ANKRD11: variants seen among roughly 807,000 people sequenced by gnomAD.
ANKRD11 encodes ankyrin repeat domain-containing protein 11.
In ANKRD11, 17 loss-of-function variants were observed where a neutral mutation model predicts 195.7. The observed-to-expected ratio is 0.09, with a 90% CI of 0.06 to 0.13. ANKRD11 has a LOEUF of 0.13. Among genes scored for constraint, ANKRD11 ranks in the 10% least tolerant of loss-of-function variants. The pLI, the probability that ANKRD11 is intolerant of heterozygous loss-of-function variation, is 1.00. For synonymous variants in ANKRD11, 1,953 were observed against 1,528.1 expected, an observed-to-expected ratio of 1.28 and a Z score of -6.49; for missense variants, 3,735 against 3,566.1, an observed-to-expected ratio of 1.05 and a Z score of -1.21.
At chr16:89,293,500 T>C (rs1270584517) in intron 4 of ANKRD11, among the ~76,000 whole-genome samples, 7 of 132,028 alleles carry the variant, frequency 5.3e-5, no homozygotes, top group Non-Finnish European at 1.1e-4. Context: ...TGGGGCAGAG[T>C]TGGGGCTGCA....
At chr16:89,269,480 A>C (rs1362178722) in intron 12 of ANKRD11, among the ~76,000 whole-genome samples, 1 of 152,220 alleles carries the variant, frequency 6.6e-6, no homozygotes, top group East Asian at 1.9e-4. Flanking sequence ...TCGGCAGCTC[A>C]GACATCACCA....
chr16:89,316,095 G>C (rs1312338984), intron 3 of ANKRD11, among the ~76,000 whole-genome samples: 1 of 152,092 alleles, frequency 6.6e-6, no homozygotes, highest in Non-Finnish European at 1.5e-5. Context: ...GGAGGCACGA[G>C]GATCAAAGGA....
chr16:89,381,036 A>G (rs375693212), intron 2 of ANKRD11, among the ~76,000 whole-genome samples: 179 of 152,320 alleles, frequency 1.2e-3, no homozygotes, highest in African/African-American at 4.1e-3. Flanking sequence ...AGGGATGAGA[A>G]GGGCGGCTGG....
chr16:89,415,647 G>A (rs962236000), intron 2 of ANKRD11, among the ~76,000 whole-genome samples: 2 of 151,172 alleles, frequency 1.3e-5, no homozygotes, highest in Non-Finnish European at 2.9e-5. Flanking sequence ...GGCCAACACA[G>A]TGAAACCCTA....
intron 2 of ANKRD11, among the ~76,000 whole-genome samples, chr16:89,334,144 T>TTA (rs1488481148): frequency 2.4e-5 from 1 of 41,410 alleles, no homozygotes; most frequent in African/African-American, 9.6e-5. Flanking sequence ...CCCTGTGTTT[T>TTA]AAAAAAAAAA....
At position 89,284,751 on chromosome 16, in the gene ANKRD11, C is replaced by T; in HGVS notation, c.1791G>A (p.Glu597=). ...ESLKPVRKRQ[E]HRKRASLSEK... is the part of the protein sequence containing the mutation. ...CCGACAGGGAGGCTCGCTTCCTGTG[C>T]TCCTGCCTCTTCCTCACTGGCTTCA... The change falls in exon 9 of 13, where the codon GAG becomes GAA. Residue 597 remains glutamate (E), a synonymous_variant. Coordinates refer to ENST00000301030, the MANE Select transcript of ANKRD11 (RefSeq NM_013275.6). The T allele has an allele frequency of 6.2e-7, 1 of 1,613,564 alleles. No homozygotes were observed. Among genetic ancestry groups the T allele is most frequent in the East Asian group, 2.2e-5 (1 of 44,880 alleles).
intron 2 of ANKRD11, among the ~76,000 whole-genome samples, chr16:89,385,048 G>A (rs1429840593): frequency 2.6e-5 from 4 of 151,632 alleles, no homozygotes; most frequent in Non-Finnish European, 5.9e-5. Flanking sequence ...ACCATGCCAG[G>A]CTAATTTTTG....
chr16:89,286,405 G>A lies in ANKRD11; in HGVS notation c.745-219C>T, dbSNP rs530588542. 1,005 of 694,880 alleles carry A rather than the reference G, an allele frequency of 1.4e-3. 4 individuals are homozygous for A. Among genetic ancestry groups the A allele is most frequent in the African/African-American group, 4.6e-3 (258 of 55,876 alleles). 43.0% of individuals were successfully genotyped at this position (694,880 alleles called of 1,614,324 possible). On this transcript the variant is annotated intron_variant, in intron 7 of 12. Coordinates refer to ENST00000301030, the MANE Select transcript of ANKRD11 (RefSeq NM_013275.6). Reference sequence around the variant, plus strand: ...CTCCTCTGTGGGAAGGGCTGCAGCCGCGGGGGCTCCCGCACCCCTCCTGTG... The same window carrying A: ...CTCCTCTGTGGGAAGGGCTGCAGCCACGGGGGCTCCCGCACCCCTCCTGTG...
chr16:89,304,998 C>A (rs574911431), intron 4 of ANKRD11: 12 of 701,714 alleles, frequency 1.7e-5, no homozygotes, highest in African/African-American at 1.4e-4. Flanking sequence ...GCTCTCCAAT[C>A]GGCCCCATGG....
At chr16:89,437,918 G>C (rs1484664139) in intron 1 of ANKRD11, among the ~76,000 whole-genome samples, 1 of 152,202 alleles carries the variant, frequency 6.6e-6, no homozygotes, top group African/African-American at 2.4e-5. Context: ...GAGTTGGGCA[G>C]CCATGGTTAA....
intron 4 of ANKRD11, among the ~76,000 whole-genome samples, chr16:89,295,396 C>T (rs1203833150): frequency 6.6e-6 from 1 of 152,114 alleles, no homozygotes; most frequent in Non-Finnish European, 1.5e-5. Context: ...AAACAAGGCC[C>T]GTAGGGCCTT....
chr16:89,334,171 A>AAAAAAAAAC (rs2038223120), intron 2 of ANKRD11, among the ~76,000 whole-genome samples: 1 of 144,610 alleles, frequency 6.9e-6, no homozygotes, highest in African/African-American at 2.6e-5. Context: ...AAAAAAAAAA[A>AAAAAAAAAC]AACAGAGAGA....
intron 1 of ANKRD11, among the ~76,000 whole-genome samples, chr16:89,427,339 C>G (rs2042757684): frequency 6.6e-6 from 1 of 152,206 alleles, no homozygotes; most frequent in Non-Finnish European, 1.5e-5. Context: ...CAACACCCCC[C>G]AGGGTGACCT....
At position 89,384,879 on chromosome 16, in the gene ANKRD11, C is replaced by CTTTTTTTTTTTTTTTTTTTTTT. The variant is rs869271846; in HGVS notation, c.-60+33383_-60+33404dup. 1.3e-3 allele frequency among the ~76,000 whole-genome samples: 63 copies of CTTTTTTTTTTTTTTTTTTTTTT among 49,938 alleles called. 5 individuals carry two copies. The highest frequency in any genetic ancestry group is 2.0e-3 in the East Asian group (3 of 1,482). 32.8% of individuals were successfully genotyped at this position (49,938 alleles called of 152,430 possible). On this transcript the variant is annotated intron_variant, in intron 2 of 12. Coordinates refer to ENST00000301030, the MANE Select transcript of ANKRD11 (RefSeq NM_013275.6). Reference sequence around the variant, plus strand: ...GGAGCACACAATGAGAAATAGTTTTCTTTTTTTTTTTTTTTTTTTTTTTTT... The same window carrying CTTTTTTTTTTTTTTTTTTTTTT: ...GGAGCACACAATGAGAAATAGTTTTCTTTTTTTTTTTTTTTTTTTTTTTTTTTTTTTTTTTTTTTTTTTTTTT...
At position 89,288,631 on chromosome 16, in the gene ANKRD11, T is replaced by C. The variant is rs1239808697; in HGVS notation, c.641A>G (p.Tyr214Cys). 1 of 1,614,002 alleles carries C rather than the reference T, an allele frequency of 6.2e-7. No homozygotes were observed. The highest frequency in any genetic ancestry group is 1.1e-5 in the South Asian group (1 of 91,084). ...AGCCAGCAGCTGCTTCGCGACGTCG[T>C]AGTAGCCCCGGTTACAGGCCTCGTG... ...ALHEACNRGY[Y>C]DVAKQLLAAG... Residue 214 changes from tyrosine (Y) to cysteine (C), a missense_variant, in exon 7 of 13, where the codon TAC (tyrosine) becomes TGC (cysteine). By Grantham distance (194) the Tyr-to-Cys change is radical (BLOSUM62 -2). Coordinates refer to ENST00000301030, the MANE Select transcript of ANKRD11 (RefSeq NM_013275.6).
At chr16:89,396,312 C>T (rs558008860) in intron 2 of ANKRD11, among the ~76,000 whole-genome samples, 10 of 152,276 alleles carry the variant, frequency 6.6e-5, no homozygotes, top group African/African-American at 2.4e-4. Context: ...ACACTGTGTG[C>T]TGACCTGGGT....
chr16:89,453,038 G>C (rs529392130), intron 1 of ANKRD11, among the ~76,000 whole-genome samples: 2 of 152,054 alleles, frequency 1.3e-5, no homozygotes, highest in Admixed American at 1.3e-4. Context: ...CTCCTGACTC[G>C]GCCTCCCAAA....
At chr16:89,383,630 G>A (rs973988629) in intron 2 of ANKRD11, among the ~76,000 whole-genome samples, 4 of 151,980 alleles carry the variant, frequency 2.6e-5, no homozygotes, top group African/African-American at 9.7e-5. Context: ...CCCTGCCCTC[G>A]GACCAGCAAC....
chr16:89,405,641 T>C (rs1474511947), intron 2 of ANKRD11, among the ~76,000 whole-genome samples: 1 of 151,978 alleles, frequency 6.6e-6, no homozygotes, highest in Non-Finnish European at 1.5e-5. Context: ...GCTTTCTAGG[T>C]AACTTTCCTA....
Sources: gnomAD v4.1 joint callset for allele counts (sites outside exome capture counted in the v4.1 genomes callset) on GRCh38, gnomAD v4.1.1 for gene constraint, MANE v1.5 for transcripts, NCBI Gene and HGNC (gene_info 2026-07-23, HGNC 2026-07-21) for gene names.